Variants in SIPA1L2 observed in about 807,000 individuals in gnomAD.
The protein encoded by SIPA1L2 is signal induced proliferation associated 1 like 2, also known as signal-induced proliferation-associated 1-like protein 2.
A neutral mutation model predicts 163.9 loss-of-function variants in SIPA1L2; 56 were observed. The observed-to-expected ratio is 0.34, with a 90% confidence interval of 0.28 to 0.43. The LOEUF is 0.43. SIPA1L2 is among the 20% of genes least tolerant of loss of function. The pLI, the probability that SIPA1L2 is intolerant of heterozygous loss-of-function variation, is 1.00. For missense variants in SIPA1L2, 1,974 were observed against 2,193.5 expected (o/e 0.90, Z 2.00); for synonymous variants, 877 against 865.7 (o/e 1.01, Z -0.23).
chr1:232,441,865 G>C lies in SIPA1L2; in HGVS notation c.3441C>G (p.Cys1147Trp). The C allele has an allele frequency of 6.2e-7, 1 of 1,611,070 alleles. No homozygotes were observed. The highest frequency in any genetic ancestry group is 8.5e-7 in the Non-Finnish European group (1 of 1,178,472). ...GGTGTTCGAGCAGTAGAGGGGACTG[G>C]CACCTGAAAAGAACACAGAGTTGAG... Reference protein sequence around the residue: ...PWRPQVGYDGCQSPLLLEHQG... With the variant: ...PWRPQVGYDGWQSPLLLEHQG... Residue 1147 changes from cysteine (C) to tryptophan (W), a missense_variant, in exon 13 of 23, where the codon TGC (cysteine) becomes TGG (tryptophan). Cys to Trp is a radical substitution (Grantham distance 215). Transcript: ENST00000674635.
At chr1:232,452,181 C>A (rs1215379515) in intron 10 of SIPA1L2, among the ~76,000 whole-genome samples, 1 of 151,882 alleles carries the variant, frequency 6.6e-6, no homozygotes, top group Non-Finnish European at 1.5e-5. Flanking sequence ...AAGGGACACT[C>A]ATTAACTTAT....
chr1:232,616,583 T>A (rs1435850503), intron 1 of SIPA1L2, among the ~76,000 whole-genome samples: 1 of 152,166 alleles, frequency 6.6e-6, no homozygotes, highest in Non-Finnish European at 1.5e-5. Flanking sequence ...GGAACCTGAA[T>A]CCACACGTGT....
chr1:232,462,869 C>T (rs1572936089), intron 9 of SIPA1L2, among the ~76,000 whole-genome samples: 1 of 152,262 alleles, frequency 6.6e-6, no homozygotes, highest in Middle Eastern at 3.4e-3. Context: ...CAATCACCTG[C>T]CACCTCCCCT....
chr1:232,473,410 C>T (rs1664891550), intron 7 of SIPA1L2, among the ~76,000 whole-genome samples: 1 of 152,250 alleles, frequency 6.6e-6, no homozygotes, highest in Admixed American at 6.5e-5. Flanking sequence ...GCGCCTCCTA[C>T]TTCCTGAGTG....
At chr1:232,418,962 G>C (rs1309558094) in intron 18 of SIPA1L2, among the ~76,000 whole-genome samples, 2 of 152,324 alleles carry the variant, frequency 1.3e-5, no homozygotes, top group East Asian at 3.9e-4. Flanking sequence ...GGGTAGGGCA[G>C]ACAAGGCCCT....
Position 232,463,259 on chromosome 1 carries a change from A to G in SIPA1L2, c.2820+1581T>C, listed in dbSNP as rs576499254. On this transcript the variant is annotated intron_variant, in intron 9 of 22. Coordinates refer to ENST00000674635, the MANE Select transcript of SIPA1L2 (RefSeq NM_020808.5). ...CTGTTACCTGCAAGACAGACCCTTT[A>G]GTTCCACTTTCCACCACCTGAGAAT... 1.1e-3 allele frequency among the ~76,000 whole-genome samples: 171 copies of G among 152,252 alleles called. 1 individual carries two copies. Among genetic ancestry groups the G allele is most frequent in the African/African-American group, 3.7e-3 (152 of 41,550 alleles).
chr1:232,473,784 T>C lies in SIPA1L2; in HGVS notation c.2086-2256A>G, dbSNP rs11577399. On this transcript the variant is annotated intron_variant, in intron 7 of 22. Transcript: ENST00000674635. ...GCACTTTGTAGAAAAAAATAAACGATTGGAGGCGGGAACAAGAAGATTCAT... is the reference window on the plus strand; with the variant it reads ...GCACTTTGTAGAAAAAAATAAACGACTGGAGGCGGGAACAAGAAGATTCAT... 8.3e-4 allele frequency among the ~76,000 whole-genome samples: 127 copies of C among 152,136 alleles called. 1 individual carries two copies. Among genetic ancestry groups the C allele is most frequent in the African/African-American group, 2.7e-3 (113 of 41,508 alleles).
At chr1:232,410,384 C>G (rs967976633) in intron 19 of SIPA1L2, among the ~76,000 whole-genome samples, 2 of 152,002 alleles carry the variant, frequency 1.3e-5, no homozygotes, top group African/African-American at 4.8e-5. Flanking sequence ...TAAACTCTTG[C>G]CAATAACAAT....
At chr1:232,605,807 TA>T (rs1661884955) in intron 1 of SIPA1L2, among the ~76,000 whole-genome samples, 1 of 152,192 alleles carries the variant, frequency 6.6e-6, no homozygotes, top group Non-Finnish European at 1.5e-5. Context: ...TACATTAAGA[TA>T]AAAATAAAAA....
chr1:232,550,870 G>A (rs1258787689), intron 2 of SIPA1L2, among the ~76,000 whole-genome samples: 2 of 152,134 alleles, frequency 1.3e-5, no homozygotes, highest in Non-Finnish European at 2.9e-5. Context: ...AAAGGGGGAA[G>A]AGCAACATGG....
intron 10 of SIPA1L2, among the ~76,000 whole-genome samples, chr1:232,446,299 A>C (rs911093296): frequency 6.6e-6 from 1 of 152,198 alleles, no homozygotes; most frequent in Non-Finnish European, 1.5e-5. Flanking sequence ...CACCTTGTTC[A>C]CAGTTACTCA....
At chr1:232,507,081 G>A (rs1235741636) in intron 3 of SIPA1L2, among the ~76,000 whole-genome samples, 2 of 151,846 alleles carry the variant, frequency 1.3e-5, no homozygotes, top group African/African-American at 4.8e-5. Flanking sequence ...GATTTCCTTA[G>A]TTTTTAATGG....
chr1:232,506,684 G>T (rs1666745266), intron 3 of SIPA1L2, among the ~76,000 whole-genome samples: 2 of 152,138 alleles, frequency 1.3e-5, no homozygotes, highest in South Asian at 4.1e-4. Context: ...ATTAGCACTG[G>T]AGGAAAGGGT....
intron 1 of SIPA1L2, among the ~76,000 whole-genome samples, chr1:232,612,224 C>G (rs1474708230): frequency 6.6e-6 from 1 of 152,210 alleles, no homozygotes; most frequent in East Asian, 1.9e-4. Flanking sequence ...TAGGGGCAGG[C>G]ACTCATGGAG....
chr1:232,439,157 C>A lies in SIPA1L2; in HGVS notation c.3982G>T (p.Ala1328Ser). The A allele has an allele frequency of 1.2e-6, 2 of 1,613,168 alleles. No homozygotes were observed. Among genetic ancestry groups the A allele is most frequent in the Non-Finnish European group, 1.7e-6 (2 of 1,179,792 alleles). Reference protein sequence around the residue: ...GYASTISAGSAAEGSMGDLSE... With the variant: ...GYASTISAGSSAEGSMGDLSE... ...AGATCGCCCATGCTGCCTTCCGCAG[C>A]ACTGCCGGCGGAGATGGTGGACGCG... is the stretch of plus-strand genomic sequence containing the variant. Residue 1328 changes from alanine to serine, a missense_variant, in exon 15 of 23, where the codon GCT becomes TCT. Ala to Ser is a moderately conservative substitution (Grantham distance 99). This residue lies in a region of SIPA1L2 where 1,079 missense variants were observed against 1,150.7 expected (regional missense o/e 0.94). Coordinates refer to ENST00000674635, the MANE Select transcript of SIPA1L2 (RefSeq NM_020808.5).
At chr1:232,409,626 C>A (rs191745343) in intron 19 of SIPA1L2, among the ~76,000 whole-genome samples, 39 of 152,258 alleles carry the variant, frequency 2.6e-4, no homozygotes, top group Admixed American at 1.4e-3. Flanking sequence ...TCCTTAAGCC[C>A]CCATGTGAAT....
At chr1:232,406,328 G>A (rs562243404) in intron 19 of SIPA1L2, among the ~76,000 whole-genome samples, 4 of 152,310 alleles carry the variant, frequency 2.6e-5, no homozygotes, top group African/African-American at 4.8e-5. Flanking sequence ...GAGCCCCTTC[G>A]GTTTTCTTTC....
At position 232,514,927 on chromosome 1, in the gene SIPA1L2, T is replaced by C. The variant is rs1378942922; in HGVS notation, c.413A>G (p.Lys138Arg). 3.7e-6 allele frequency: 6 copies of C among 1,614,178 alleles called. No homozygotes were observed. Among genetic ancestry groups the C allele is most frequent in the Non-Finnish European group, 5.1e-6 (6 of 1,180,014 alleles). The change falls in exon 3 of 23, where the codon AAG (lysine) becomes AGG (arginine). Residue 138 changes from lysine (K) to arginine (R), a missense_variant. By Grantham distance (26) the Lys-to-Arg change is conservative. This residue lies in a region of SIPA1L2 where 607 missense variants were observed against 624.0 expected (regional missense o/e 0.97). Coordinates refer to ENST00000674635, the MANE Select transcript of SIPA1L2 (RefSeq NM_020808.5). Reference protein sequence around the residue: ...EQLDLDFVEAKYTIGDIFVHS... With the variant: ...EQLDLDFVEARYTIGDIFVHS... ...GACAAAGATGTCTCCGATTGTGTACTTGGCCTCCACGAAGTCCAGATCGAG... is the reference window on the plus strand; with the variant it reads ...GACAAAGATGTCTCCGATTGTGTACCTGGCCTCCACGAAGTCCAGATCGAG...
chr1:232,425,849 A>G (rs1466641512), intron 17 of SIPA1L2, 41 bp from the exon 18 acceptor site: 2 of 1,558,776 alleles, frequency 1.3e-6, no homozygotes, highest in Non-Finnish European at 1.8e-6. Flanking sequence ...CAGACATTAA[A>G]AAAACGAATG....
Sources: gnomAD v4.1 joint callset for allele counts (sites outside exome capture counted in the v4.1 genomes callset) on GRCh38, gnomAD v4.1.1 for gene constraint, gnomAD v4.1.1 regional missense constraint, MANE v1.5 for transcripts, NCBI Gene and HGNC (gene_info 2026-07-23, HGNC 2026-07-21) for gene names.